Variants in NBAS observed in about 807,000 individuals in gnomAD.
NBAS encodes the protein NBAS subunit of NRZ tethering complex.
A neutral mutation model predicts 302.5 loss-of-function variants in NBAS; 219 were observed. That is an observed-to-expected ratio of 0.72 (90% CI 0.65 to 0.81). The LOEUF is 0.81. NBAS is among the 30% of genes least tolerant of loss of function. The pLI is 0.00. For synonymous variants in NBAS, 1,118 were observed against 1,021.6 expected, an observed-to-expected ratio of 1.09 and a Z score of -1.80; for missense variants, 2,932 against 2,841.6, an observed-to-expected ratio of 1.03 and a Z score of -0.72.
the NBAS span, among the ~76,000 whole-genome samples, chr2:15,035,513 C>T: frequency 6.6e-6 from 1 of 152,170 alleles, no homozygotes; most frequent in Non-Finnish European, 1.5e-5. Context: ...GAATATAAGT[C>T]ATTCTGTTAT....
chr2:14,977,008 A>G, the NBAS span, among the ~76,000 whole-genome samples: 1 of 152,208 alleles, frequency 6.6e-6, no homozygotes, highest in Non-Finnish European at 1.5e-5. Flanking sequence ...GGAAATGAAT[A>G]CACCACCCTA....
At chr2:14,942,037 G>A in the NBAS span, among the ~76,000 whole-genome samples, 1 of 152,186 alleles carries the variant, frequency 6.6e-6, no homozygotes, top group Admixed American at 6.5e-5. Flanking sequence ...ACCAAATTGA[G>A]ACACGATGGT....
intron 46 of NBAS, 111 bp from the exon 47 acceptor site, chr2:15,232,622 C>A: frequency 2.3e-6 from 2 of 864,778 alleles, no homozygotes; most frequent in Non-Finnish European, 3.7e-6. Flanking sequence ...CAGTATACTG[C>A]CTGCCCATAG....
At chr2:15,033,634 G>A in the NBAS span, among the ~76,000 whole-genome samples, 2 of 152,062 alleles carry the variant, frequency 1.3e-5, 1 homozygote, top group South Asian at 4.1e-4. Context: ...AGTTCATAAG[G>A]GTGAATTCCT....
intron 35 of NBAS, among the ~76,000 whole-genome samples, chr2:15,340,589 G>C (rs1347173811): frequency 6.6e-6 from 1 of 152,150 alleles, no homozygotes; most frequent in Admixed American, 6.6e-5. Flanking sequence ...GTCAGGGCTA[G>C]AGCTATTAAG....
At chr2:15,511,116 T>G (rs1662118844) in intron 10 of NBAS, 96 bp downstream of exon 10, 18 of 1,434,080 alleles carry the variant, frequency 1.3e-5, no homozygotes, top group Non-Finnish European at 1.7e-5. Context: ...ATGAAATTAT[T>G]TCTTCCTCTA....
At chr2:15,455,003 A>C (rs924600161) in intron 21 of NBAS, among the ~76,000 whole-genome samples, 2 of 151,756 alleles carry the variant, frequency 1.3e-5, no homozygotes, top group African/African-American at 2.4e-5. Context: ...CATGGGTTCA[A>C]GCGATTCTCC....
chr2:15,229,977 T>A (rs1037263962), intron 47 of NBAS, among the ~76,000 whole-genome samples: 4 of 151,976 alleles, frequency 2.6e-5, no homozygotes, highest in Non-Finnish European at 4.4e-5. Flanking sequence ...TGTGCTTTTG[T>A]GTGTGACATC....
chr2:15,531,691 T>C (rs1663222955), intron 9 of NBAS, among the ~76,000 whole-genome samples: 1 of 152,194 alleles, frequency 6.6e-6, no homozygotes. Context: ...CTAACTGTCT[T>C]CACTGCTGTT....
Position 15,347,724 on chromosome 2 carries a change from A to G in NBAS, c.4179+4268T>C, listed in dbSNP as rs187230414. ...GTGATATACCTAATACTAGCTAAAC[A>G]AAATGTTAATATACTCTAAGTGGTA... On this transcript the variant is annotated intron_variant, in intron 35 of 51. Coordinates refer to ENST00000281513, the MANE Select transcript of NBAS (RefSeq NM_015909.4). 7.2e-5 allele frequency among the ~76,000 whole-genome samples: 11 copies of G among 152,336 alleles called. 1 individual carries two copies. The South Asian group carries it at 1.4e-3, about 20-fold the overall frequency.
chr2:15,204,278 AAAAAG>A lies in NBAS; in HGVS notation c.6433-13880_6433-13876del, dbSNP rs1429519994. Among the ~76,000 whole-genome samples, 14 of 152,044 alleles carry A rather than the reference AAAAAG, an allele frequency of 9.2e-5. No individual in the cohort carries two copies. The East Asian group carries it at 2.5e-3, about 27-fold the overall frequency. ...TTTCAAAAAAGAAAAATAGAAAAAG[AAAAAG>A]AAAAGAAGTATCAGTACTCTTACTT... On this transcript the variant is annotated intron_variant, in intron 48 of 51. Coordinates refer to ENST00000281513, the MANE Select transcript of NBAS (RefSeq NM_015909.4).
At chr2:15,251,068 T>C (rs1408180799) in intron 44 of NBAS, among the ~76,000 whole-genome samples, 1 of 152,124 alleles carries the variant, frequency 6.6e-6, no homozygotes. Flanking sequence ...CAAATGCCCA[T>C]CAATGATAAA....
In NBAS at chr2:15,277,057, A is replaced by C; in HGVS notation, c.5183T>G (p.Leu1728Arg). 1 of 1,613,772 alleles carries C rather than the reference A, an allele frequency of 6.2e-7. No homozygotes were observed. Among genetic ancestry groups the C allele is most frequent in the Non-Finnish European group, 8.5e-7 (1 of 1,179,880 alleles). The change falls in exon 43 of 52, where the codon CTC (leucine) becomes CGC (arginine). Residue 1728 changes from leucine to arginine, a missense_variant. Transcript: ENST00000281513. ...EIENRAQDLHLFETLKTDPEA... is the reference protein window; with the variant it reads ...EIENRAQDLHRFETLKTDPEA... ...TGGATCAGTCTTCAAAGTCTCAAAG[A>C]GATGAAGGTCTTGGGCTCTATTTTC...
At chr2:15,165,577 CGAT>C (rs1032716239), downstream of NBAS, among the ~76,000 whole-genome samples, 7 of 152,274 alleles carry the variant, frequency 4.6e-5, no homozygotes, top group Admixed American at 4.6e-4. Context: ...GTGAAGCCGA[CGAT>C]GATGGTGATG....
chr2:14,785,672 A>G, the NBAS span, among the ~76,000 whole-genome samples: 4 of 152,310 alleles, frequency 2.6e-5, no homozygotes, highest in African/African-American at 9.6e-5. Flanking sequence ...GATGAAGCCC[A>G]CTTGATCATG....
chr2:14,785,888 G>A, the NBAS span, among the ~76,000 whole-genome samples: 11 of 152,136 alleles, frequency 7.2e-5, no homozygotes, highest in Non-Finnish European at 1.0e-4. Context: ...ATAGTTTCAG[G>A]AGGAATGGTA....
chr2:15,257,267 A>AATCT (rs1668642580), intron 44 of NBAS, among the ~76,000 whole-genome samples: 1 of 152,054 alleles, frequency 6.6e-6, no homozygotes, highest in African/African-American at 2.4e-5. Context: ...TTCCGGATTT[A>AATCT]ATCTAGGATA....
chr2:15,559,844 A>G lies in NBAS; in HGVS notation c.118-1210T>C, dbSNP rs1378657950. On this transcript the variant is annotated intron_variant, in intron 1 of 51. Coordinates refer to ENST00000281513, the MANE Select transcript of NBAS (RefSeq NM_015909.4). ...TCTGAAACATTACTGCAATTAACCAATGAGTGTTAAGGAGTGGAAACTTAT... is the reference window on the plus strand; with the variant it reads ...TCTGAAACATTACTGCAATTAACCAGTGAGTGTTAAGGAGTGGAAACTTAT... 2.6e-5 allele frequency among the ~76,000 whole-genome samples: 4 copies of G among 152,236 alleles called. 1 individual carries two copies. Among genetic ancestry groups the G allele is most frequent in the Admixed American group, 2.6e-4 (4 of 15,282 alleles).
intron 5 of NBAS, 99 bp from the exon 6 acceptor site, chr2:15,551,635 G>A: frequency 1.3e-6 from 1 of 782,998 alleles, no homozygotes; most frequent in Non-Finnish European, 2.1e-6. Flanking sequence ...TATATACAAT[G>A]CTCAATCATA....
Sources: allele counts gnomAD v4.1 joint callset (sites outside exome capture counted in the v4.1 genomes callset), GRCh38; gene constraint gnomAD v4.1.1; transcripts MANE v1.5; gene names NCBI Gene and HGNC (gene_info 2026-07-23, HGNC 2026-07-21).